Variants in TRIOBP observed in about 807,000 individuals in gnomAD.
The protein encoded by TRIOBP is TRIO and F-actin-binding protein.
In TRIOBP, 169 loss-of-function variants were observed where a neutral mutation model predicts 238.8. The observed-to-expected ratio is 0.71, with a 90% CI of 0.62 to 0.80. TRIOBP has a LOEUF of 0.80. Among genes scored for constraint, TRIOBP ranks in the 30% least tolerant of loss-of-function variants. TRIOBP has a pLI of 0.00. For synonymous variants in TRIOBP, 1,150 were observed against 1,274.4 expected (o/e 0.90, Z 2.08); for missense variants, 2,838 against 3,122.6 (o/e 0.91, Z 2.17).
rs1927042157 is a variant in TRIOBP at position 37,776,555 on chromosome 22, T to TA, written c.*2776dup. The TA allele has an allele frequency of 6.6e-6, 1 of 152,216 alleles. No individual in the cohort carries two copies. The highest frequency in any genetic ancestry group is 2.4e-5 in the African/African-American group (1 of 41,460). 9.4% of individuals were successfully genotyped at this position (152,216 alleles called of 1,614,324 possible). ...GAATGAATAAATTGTGGTCGATTCA[T>TA]ACGTTAGAATACAGCAATTTAAAAA... On this transcript the variant is annotated 3_prime_UTR_variant, in exon 24 of 24. Coordinates refer to ENST00000644935, the MANE Select transcript of TRIOBP (RefSeq NM_001039141.3).
rs1924108834 is a variant in TRIOBP at position 37,725,730 on chromosome 22, T to C, written c.3174T>C (p.Tyr1058=). ...AACCGCCCCACCACGAGCCTCCCTA[T>C]ATACCACCTGCTGTGTGCATTGGAC... is the stretch of plus-strand genomic sequence containing the variant. The part of the protein sequence containing the change: ...ESEPPHHEPP[Y]IPPAVCIGHR... Residue 1058 remains tyrosine (Y), a synonymous_variant, in exon 7 of 24, where the codon TAT becomes TAC. Transcript: ENST00000644935. The C allele has an allele frequency of 6.2e-7, 1 of 1,610,186 alleles. No homozygotes were observed. The highest frequency in any genetic ancestry group is 8.5e-7 in the Non-Finnish European group (1 of 1,179,038).
Position 37,726,248 on chromosome 22 carries a change from G to T in TRIOBP, c.3692G>T (p.Arg1231Leu). The change falls in exon 7 of 24, where the codon CGC (arginine) becomes CTC (leucine). Residue 1231 changes from arginine (R) to leucine (L), a missense_variant. Transcript: ENST00000644935. ...RDAPRASSPP[R>L]HPPSDLAFLA... is the part of the protein sequence containing the mutation. Reference sequence around the variant, plus strand: ...GCACCCCGAGCCTCCTCCCCACCCCGCCACCCACCCAGTGACCTAGCGTTC... The same window carrying T: ...GCACCCCGAGCCTCCTCCCCACCCCTCCACCCACCCAGTGACCTAGCGTTC... The T allele has an allele frequency of 8.2e-7, 1 of 1,217,896 alleles. No homozygotes were observed. The highest frequency in any genetic ancestry group is 1.2e-6 in the Non-Finnish European group (1 of 842,682). 75.4% of individuals were successfully genotyped at this position (1,217,896 alleles called of 1,614,324 possible). A position where few individuals can be genotyped will look rare whatever the true frequency, so the allele number is the denominator to read the frequency against.
chr22:37,751,551 C>G (rs913792474), intron 11 of TRIOBP: 43 of 591,464 alleles, frequency 7.3e-5, no homozygotes, highest in Non-Finnish European at 1.2e-4. Context: ...AACTTCTTGG[C>G]TCTCTGAGTG....
chr22:37,771,061 TAACTC>T (rs1926750653), intron 21 of TRIOBP, among the ~76,000 whole-genome samples: 2 of 152,230 alleles, frequency 1.3e-5, no homozygotes, highest in South Asian at 2.1e-4. Flanking sequence ...TTTTGTCTGT[TAACTC>T]ATCTAATCTT....
At chr22:37,765,607 TG>T in intron 17 of TRIOBP, 62 bp from the exon 18 acceptor site, 1 of 1,545,192 alleles carries the variant, frequency 6.5e-7, no homozygotes. Context: ...CTCTGGAGGC[TG>T]GGGAAGGGCC....
Position 37,725,013 on chromosome 22 carries a change from T to A in TRIOBP, c.2457T>A (p.Ile819=). 6.2e-7 allele frequency: 1 copy of A among 1,613,960 alleles called. No homozygotes were observed. The highest frequency in any genetic ancestry group is 8.5e-7 in the Non-Finnish European group (1 of 1,179,930). Residue 819 remains isoleucine, a synonymous_variant, in exon 7 of 24, where the codon ATT becomes ATA. Transcript: ENST00000644935. The part of the protein sequence containing the change: ...ATQQDNPRTC[I]QQNIPRSSST... ...AACAGGACAACCCCAGAACTTGTATTCAACAGAACATCCCCAGATCATCTT... is the reference window on the plus strand; with the variant it reads ...AACAGGACAACCCCAGAACTTGTATACAACAGAACATCCCCAGATCATCTT...
chr22:37,735,458 C>A lies in TRIOBP; in HGVS notation c.5106+16C>A. 4 of 1,549,928 alleles carry A rather than the reference C, an allele frequency of 2.6e-6. No homozygotes were observed. Among genetic ancestry groups the A allele is most frequent in the Non-Finnish European group, 2.6e-6 (3 of 1,148,360 alleles). On this transcript the variant is annotated intron_variant, in intron 9 of 23. Coordinates refer to ENST00000644935, the MANE Select transcript of TRIOBP (RefSeq NM_001039141.3). Reference sequence around the variant, plus strand: ...AGAGCTGCAGGTAAGGAGGTTTCCACCCTCCCAAGGGTAGCCAGAAAGTCA... The same window carrying A: ...AGAGCTGCAGGTAAGGAGGTTTCCAACCTCCCAAGGGTAGCCAGAAAGTCA...
intron 3 of TRIOBP, among the ~76,000 whole-genome samples, chr22:37,703,936 A>G (rs1320740227): frequency 6.6e-6 from 1 of 152,198 alleles, no homozygotes; most frequent in Non-Finnish European, 1.5e-5. Context: ...GATGGCAAGA[A>G]TGGAACAGGA....
At position 37,713,290 on chromosome 22, in the gene TRIOBP, T is replaced by C; in HGVS notation, c.335T>C (p.Val112Ala). The C allele has an allele frequency of 6.2e-7, 1 of 1,613,978 alleles. No homozygotes were observed. Among genetic ancestry groups the C allele is most frequent in the Non-Finnish European group, 8.5e-7 (1 of 1,179,890 alleles). Reference sequence around the variant, plus strand: ...AGCAGGAGCCGGGAGCTTGAGGCAGTACCCTATCTGGAGGGCCTGACCACT... The same window carrying C: ...AGCAGGAGCCGGGAGCTTGAGGCAGCACCCTATCTGGAGGGCCTGACCACT... ...PRSRSRELEA[V>A]PYLEGLTTSL... is the part of the protein sequence containing the mutation. Residue 112 changes from valine (V) to alanine (A), a missense_variant, in exon 5 of 24, where the codon GTA becomes GCA. Transcript: ENST00000644935.
intron 9 of TRIOBP, 134 bp downstream of exon 9, chr22:37,735,576 C>A: frequency 9.6e-7 from 1 of 1,045,790 alleles, no homozygotes; most frequent in Non-Finnish European, 1.4e-6. Context: ...AGCCTCCCTG[C>A]TGACCACAAC....
At chr22:37,773,558 C>T (rs1003552732) in intron 23 of TRIOBP, among the ~76,000 whole-genome samples, 5 of 152,150 alleles carry the variant, frequency 3.3e-5, no homozygotes, top group African/African-American at 9.7e-5. Context: ...GCCACATCTA[C>T]CTGGAGCATC....
At chr22:37,738,845 A>T in intron 10 of TRIOBP, 126 bp downstream of exon 10, 2 of 970,728 alleles carry the variant, frequency 2.1e-6, no homozygotes, top group South Asian at 2.8e-5. Flanking sequence ...CCATGGGGTC[A>T]TCTATGTGCA....
chr22:37,728,363 G>A (rs1210432275), intron 7 of TRIOBP, among the ~76,000 whole-genome samples: 1 of 152,014 alleles, frequency 6.6e-6, no homozygotes, highest in Non-Finnish European at 1.5e-5. Context: ...GAATTTGGGA[G>A]GTGGAGTTTG....
intron 7 of TRIOBP, among the ~76,000 whole-genome samples, chr22:37,731,502 G>T (rs1924420525): frequency 1.3e-5 from 2 of 150,942 alleles, no homozygotes; most frequent in African/African-American, 4.9e-5. Context: ...TGTCACCCAG[G>T]CTGGAGTGCA....
In TRIOBP at chr22:37,758,258, G is replaced by A. The variant is rs1473842468; in HGVS notation, c.6213+120G>A. 51 of 1,289,540 alleles carry A rather than the reference G, an allele frequency of 4.0e-5. 1 individual carries two copies. Among genetic ancestry groups the A allele is most frequent in the Middle Eastern group, 5.2e-4 (2 of 3,834 alleles). 79.9% of individuals were successfully genotyped at this position (1,289,540 alleles called of 1,614,324 possible). A position where few individuals can be genotyped will look rare whatever the true frequency, so the allele number is the denominator to read the frequency against. On this transcript the variant is annotated intron_variant, in intron 16 of 23. Coordinates refer to ENST00000644935, the MANE Select transcript of TRIOBP (RefSeq NM_001039141.3). ...GTGATGGGGAGCTCACCCCTGATCT[G>A]CTGTGAGTGTGCACCCCACACTCCT...
intron 17 of TRIOBP, among the ~76,000 whole-genome samples, chr22:37,760,951 A>G (rs1259660204): frequency 6.6e-5 from 10 of 150,954 alleles, no homozygotes; most frequent in Non-Finnish European, 1.5e-4. Flanking sequence ...CAGCCTGGCG[A>G]CAGAGTAAGA....
intron 11 of TRIOBP, among the ~76,000 whole-genome samples, chr22:37,742,200 C>T (rs549830157): frequency 6.6e-6 from 1 of 151,688 alleles, no homozygotes; most frequent in East Asian, 1.9e-4. Context: ...CTCAGGTAAT[C>T]CGCCCACCTT....
chr22:37,768,074 C>A lies in TRIOBP; in HGVS notation c.6473C>A (p.Ala2158Asp). 1 of 1,610,828 alleles carries A rather than the reference C, an allele frequency of 6.2e-7. No homozygotes were observed. The highest frequency in any genetic ancestry group is 8.5e-7 in the Non-Finnish European group (1 of 1,178,444). ...LAEETAATASAIEAMKKAYQE... is the reference protein window; with the variant it reads ...LAEETAATASDIEAMKKAYQE... ...TTGTGCCTCTCTGCCCTGCTTCCAG[C>A]CATTGAAGCCATGAAGAAGGCCTAC... Residue 2158 changes from alanine (A) to aspartate (D), a missense_variant and splice_region_variant, in exon 19 of 24, where the codon GCC (alanine) becomes GAC (aspartate). Around this residue, in one of 5 missense-constraint regions of TRIOBP, gnomAD observed 2,096 missense variants for 2,137.4 expected, o/e 0.98. Transcript: ENST00000644935.
At chr22:37,702,483 C>T (rs551012609) in intron 3 of TRIOBP, among the ~76,000 whole-genome samples, 7 of 151,992 alleles carry the variant, frequency 4.6e-5, no homozygotes, top group Non-Finnish European at 8.8e-5. Flanking sequence ...GGATTACAGG[C>T]GTGAGCCACC....
Sources: allele counts gnomAD v4.1 joint callset (sites outside exome capture counted in the v4.1 genomes callset), GRCh38; gene constraint gnomAD v4.1.1; regional missense constraint gnomAD v4.1.1; transcripts MANE v1.5; gene names NCBI Gene and HGNC (gene_info 2026-07-23, HGNC 2026-07-21).